The following ANK3 variants were observed in gnomAD, a reference collection of about 807,000 sequenced individuals.
The protein encoded by ANK3 is ankyrin-3.
In ANK3, 57 loss-of-function variants were observed where a neutral mutation model predicts 370.9. The ratio of observed to expected loss-of-function variants is 0.15; its 90% CI spans 0.12 to 0.19. The LOEUF is 0.19. Among genes scored for constraint, ANK3 ranks in the 10% least tolerant of loss-of-function variants. ANK3 has a pLI of 1.00. For synonymous variants in ANK3, 1,929 were observed against 1,946.3 expected, an observed-to-expected ratio of 0.99 and a Z score of 0.23; for missense variants, 4,439 against 5,302.1, an observed-to-expected ratio of 0.84 and a Z score of 5.06.
At chr10:60,206,673 T>C (rs75582675) in intron 10 of ANK3, among the ~76,000 whole-genome samples, 5,886 of 152,304 alleles carry the variant, frequency 0.039, 360 homozygotes, top group African/African-American at 0.13. Flanking sequence ...AAGTAGGTGT[T>C]TACTCCAAGC....
At chr10:60,464,944 A>G (rs1253780104) in intron 2 of ANK3, among the ~76,000 whole-genome samples, 1 of 152,142 alleles carries the variant, frequency 6.6e-6, no homozygotes, top group East Asian at 1.9e-4. Context: ...TTTTCTAACT[A>G]TGTTTCTGTG....
At chr10:60,530,551 C>T (rs550197110) in intron 2 of ANK3, among the ~76,000 whole-genome samples, 1 of 151,986 alleles carries the variant, frequency 6.6e-6, no homozygotes, top group African/African-American at 2.4e-5. Flanking sequence ...GCACCTCAGG[C>T]ACACGGGCAG....
chr10:60,385,700 T>C (rs2062167567), intron 1 of ANK3, among the ~76,000 whole-genome samples: 1 of 152,204 alleles, frequency 6.6e-6, no homozygotes, highest in African/African-American at 2.4e-5. Flanking sequence ...TATCTAGCAC[T>C]GTGTCAGGCG....
intron 2 of ANK3, among the ~76,000 whole-genome samples, chr10:60,611,975 A>G (rs2133318744): frequency 6.6e-6 from 1 of 152,216 alleles, no homozygotes; most frequent in African/African-American, 2.4e-5. Flanking sequence ...CTCTTATCTC[A>G]TTCAATTCAG....
intron 2 of ANK3, among the ~76,000 whole-genome samples, chr10:60,528,606 A>G (rs894055170): frequency 2.0e-5 from 3 of 152,158 alleles, no homozygotes; most frequent in South Asian, 2.1e-4. Flanking sequence ...TGCATTTCAT[A>G]TGGTTCAACC....
chr10:60,349,522 T>C (rs10733763), intron 1 of ANK3, among the ~76,000 whole-genome samples: 105,967 of 151,874 alleles, frequency 0.7, 38,238 homozygotes, highest in South Asian at 0.91. Flanking sequence ...TTTTTAAACA[T>C]GAAAAACTCC....
intron 26 of ANK3, among the ~76,000 whole-genome samples, chr10:60,109,553 A>G (rs1258458056): frequency 6.6e-6 from 1 of 152,234 alleles, no homozygotes; most frequent in Non-Finnish European, 1.5e-5. Context: ...AATTTTTACT[A>G]TGATGAAGCA....
intron 2 of ANK3, among the ~76,000 whole-genome samples, chr10:60,546,467 A>G (rs150775951): frequency 6.6e-6 from 1 of 152,364 alleles, no homozygotes; most frequent in Non-Finnish European, 1.5e-5. Context: ...CACTGAAATT[A>G]AAAGGATCTA....
intron 2 of ANK3, among the ~76,000 whole-genome samples, chr10:60,549,618 A>G (rs2077045852): frequency 6.6e-6 from 1 of 152,158 alleles, no homozygotes; most frequent in Admixed American, 6.5e-5. Context: ...TCTGCCCAGA[A>G]TTCTAGGCAA....
At chr10:60,175,639 C>CT (rs148513725) in intron 18 of ANK3, among the ~76,000 whole-genome samples, 4,994 of 152,214 alleles carry the variant, frequency 0.033, 246 homozygotes, top group African/African-American at 0.11. Flanking sequence ...GCATTCCTTC[C>CT]TTTTTTCCTC....
intron 23 of ANK3, among the ~76,000 whole-genome samples, chr10:60,159,535 C>T (rs1219568397): frequency 6.6e-6 from 1 of 152,076 alleles, no homozygotes; most frequent in Non-Finnish European, 1.5e-5. Flanking sequence ...AACAAAGAAA[C>T]ACTGGACTTA....
intron 11 of ANK3, among the ~76,000 whole-genome samples, chr10:60,204,479 T>C (rs1165396930): frequency 2.0e-5 from 3 of 152,240 alleles, no homozygotes; most frequent in African/African-American, 2.4e-5. Context: ...CCTGACAATA[T>C]GGCAAATCAG....
rs554867210 is a variant in ANK3 at position 60,590,422 on chromosome 10, A to T, written c.96+24764T>A. Among the ~76,000 whole-genome samples, 59 of 152,326 alleles carry T rather than the reference A, an allele frequency of 3.9e-4. No individual in the cohort carries two copies. The South Asian group carries it at 0.011, about 28-fold the overall frequency. ...TTCATCTCATTCACTTTACTTCTTT[A>T]TGAGGCTATTTGGGAACTACTTGAA... On this transcript the variant is annotated intron_variant, in intron 2 of 43. Transcript: ENST00000373827.
intron 1 of ANK3, among the ~76,000 whole-genome samples, chr10:60,630,934 C>T (rs1270282898): frequency 6.6e-6 from 1 of 152,110 alleles, no homozygotes; most frequent in African/African-American, 2.4e-5. Flanking sequence ...AAGGACGTGG[C>T]ACTGCTGACA....
chr10:60,732,055 C>T (rs1183296051), intron 1 of ANK3, among the ~76,000 whole-genome samples: 1 of 152,178 alleles, frequency 6.6e-6, no homozygotes, highest in African/African-American at 2.4e-5. Flanking sequence ...ATTTGTGTTT[C>T]AAGGGCAATT....
chr10:60,668,576 GA>G (rs767055431), intron 1 of ANK3, among the ~76,000 whole-genome samples: 11 of 152,338 alleles, frequency 7.2e-5, no homozygotes, highest in Middle Eastern at 3.4e-3. Context: ...CTGGATAGAA[GA>G]AATGCAGAGA....
At position 60,072,533 on chromosome 10, in the gene ANK3, T is replaced by A. The variant is rs1564790518; in HGVS notation, c.8348A>T (p.Asp2783Val). ...LPDESVSVQK[D>V]FMVLKTKDEH... Reference sequence around the variant, plus strand: ...ATCTTTGGTTTTTAATACCATAAAATCTTTTTGCACAGATACACTTTCATC... The same window carrying A: ...ATCTTTGGTTTTTAATACCATAAAAACTTTTTGCACAGATACACTTTCATC... The change falls in exon 37 of 44, where the codon GAT (aspartate) becomes GTT (valine). Residue 2783 changes from aspartate to valine, a missense_variant. This residue lies in a region of ANK3 where 1,601 missense variants were observed against 1,731.7 expected (regional missense o/e 0.92). Coordinates refer to ENST00000280772, the MANE Select transcript of ANK3 (RefSeq NM_020987.5). The A allele has an allele frequency of 6.2e-7, 1 of 1,613,588 alleles. No homozygotes were observed. The highest frequency in any genetic ancestry group is 1.7e-5 in the Admixed American group (1 of 59,908).
intron 18 of ANK3, among the ~76,000 whole-genome samples, chr10:60,177,293 AAT>A (rs1309848015): frequency 6.6e-6 from 1 of 152,258 alleles, no homozygotes; most frequent in South Asian, 2.1e-4. Flanking sequence ...AGTGTCAGCT[AAT>A]ACCTTGACTG....
At chr10:60,086,464 T>G (rs2086698947) in intron 30 of ANK3, 3 of 448,940 alleles carry the variant, frequency 6.7e-6, no homozygotes, top group Non-Finnish European at 1.2e-5. Flanking sequence ...TTTAAATGAG[T>G]CATGAGACCA....
Sources: gnomAD v4.1 joint callset for allele counts (sites outside exome capture counted in the v4.1 genomes callset) on GRCh38, gnomAD v4.1.1 for gene constraint, gnomAD v4.1.1 regional missense constraint, MANE v1.5 for transcripts, NCBI Gene and HGNC (gene_info 2026-07-23, HGNC 2026-07-21) for gene names.